The following RAP1GAP2 variants were observed in gnomAD, a reference collection of about 807,000 sequenced individuals.
RAP1GAP2 encodes the protein rap1 GTPase-activating protein 2.
RAP1GAP2 carries 27 observed loss-of-function variants against 95.0 expected under a neutral mutation model. The observed-to-expected ratio is 0.28, with a 90% CI of 0.21 to 0.39. The LOEUF (loss-of-function observed/expected upper bound fraction) is 0.39, where lower values mean the gene tolerates loss of function less well. RAP1GAP2 is among the 10% of genes least tolerant of loss of function. The pLI is 1.00. For missense variants in RAP1GAP2, 771 were observed against 970.0 expected (o/e 0.79, Z 2.72); for synonymous variants, 373 against 380.9 (o/e 0.98, Z 0.24).
chr17:2,996,652 C>A (rs34348609), intron 13 of RAP1GAP2, among the ~76,000 whole-genome samples: 4 of 152,224 alleles, frequency 2.6e-5, no homozygotes, highest in African/African-American at 4.8e-5. Context: ...CCTGCTGCCC[C>A]GGCCTGGGCC....
At position 2,854,518 on chromosome 17, in the gene RAP1GAP2, G is replaced by A. The variant is rs186692872; in HGVS notation, c.81-50766G>A. 3.9e-5 allele frequency among the ~76,000 whole-genome samples: 6 copies of A among 152,246 alleles called. No individual in the cohort carries two copies. The South Asian group carries it at 8.3e-4, about 21-fold the overall frequency. The stretch of plus-strand genomic sequence containing the variant: ...CGAGGTGCCTGCCTGGCCGAGATCC[G>A]CTTGCTCTGCGCTCGGTGCCGGCAG... On this transcript the variant is annotated intron_variant, in intron 2 of 24. Coordinates refer to ENST00000254695, the MANE Select transcript of RAP1GAP2 (RefSeq NM_015085.5).
At chr17:2,908,426 C>A (rs1481764362) in intron 3 of RAP1GAP2, among the ~76,000 whole-genome samples, 4 of 152,252 alleles carry the variant, frequency 2.6e-5, no homozygotes, top group African/African-American at 9.6e-5. Flanking sequence ...CACCTGGCGT[C>A]ATATGGCGAA....
At chr17:2,780,713 G>A (rs953187511) in intron 1 of RAP1GAP2, among the ~76,000 whole-genome samples, 11 of 152,178 alleles carry the variant, frequency 7.2e-5, no homozygotes, top group South Asian at 2.1e-4. Context: ...AGCAGCCGCC[G>A]TCTTCATTAC....
intron 2 of RAP1GAP2, among the ~76,000 whole-genome samples, chr17:2,885,026 T>C (rs925532246): frequency 3.4e-5 from 5 of 149,132 alleles, no homozygotes; most frequent in Non-Finnish European, 1.5e-5. Context: ...TTTTATTTCT[T>C]TCTTTTTTTT....
At chr17:2,932,502 G>T (rs534475599) in intron 3 of RAP1GAP2, among the ~76,000 whole-genome samples, 1 of 149,932 alleles carries the variant, frequency 6.7e-6, no homozygotes, top group Admixed American at 6.7e-5. Flanking sequence ...TGGAAATTCT[G>T]TGAGGTTCCA....
At chr17:2,794,475 G>T (rs73308019), upstream of RAP1GAP2, among the ~76,000 whole-genome samples, 65,826 of 152,020 alleles carry the variant, frequency 0.43, 14,626 homozygotes, top group South Asian at 0.47. Context: ...TGGCCATCCT[G>T]TGGGAAGCCA....
intron 3 of RAP1GAP2, among the ~76,000 whole-genome samples, chr17:2,913,113 G>A (rs1054237072): frequency 6.6e-6 from 1 of 152,130 alleles, no homozygotes; most frequent in African/African-American, 2.4e-5. Context: ...AGGAGATTGA[G>A]CTTGCAGTGA....
intron 2 of RAP1GAP2, among the ~76,000 whole-genome samples, chr17:2,830,543 G>A (rs573905151): frequency 3.9e-5 from 6 of 152,006 alleles, no homozygotes; most frequent in African/African-American, 7.2e-5. Context: ...GTGAAACCCC[G>A]TCTCTACTAA....
At chr17:2,923,041 A>G (rs1401669658) in intron 3 of RAP1GAP2, among the ~76,000 whole-genome samples, 2 of 124,780 alleles carry the variant, frequency 1.6e-5, no homozygotes, top group African/African-American at 6.0e-5. Context: ...ACACCTGGCT[A>G]TTTTTTTTTT....
At chr17:2,776,823 C>CGGAGGAGGAGGA (rs372983882), upstream of RAP1GAP2, among the ~76,000 whole-genome samples, 638 of 144,064 alleles carry the variant, frequency 4.4e-3, 2 homozygotes, top group Middle Eastern at 7.0e-3. Context: ...CCCGCCGCCC[C>CGGAGGAGGAGGA]GGAGGAGGAG....
chr17:2,900,967 G>C (rs58057976), intron 2 of RAP1GAP2, among the ~76,000 whole-genome samples: 2 of 152,174 alleles, frequency 1.3e-5, no homozygotes, highest in Non-Finnish European at 2.9e-5. Context: ...AGAGCCCTCC[G>C]AGGGTGGGGA....
chr17:2,802,733 A>G lies in RAP1GAP2; in HGVS notation c.80+2183A>G, dbSNP rs57878874. 6.0e-3 allele frequency among the ~76,000 whole-genome samples: 907 copies of G among 152,036 alleles called. 7 individuals are homozygous for G. The highest frequency in any genetic ancestry group is 0.021 in the African/African-American group (852 of 41,470). On this transcript the variant is annotated intron_variant, in intron 2 of 24. Transcript: ENST00000254695. Reference sequence around the variant, plus strand: ...AAAAAAGTCTAGAGCTGATGCCAGGAGTGCCATGGAGTAGTCCCGAAAGGC... The same window carrying G: ...AAAAAAGTCTAGAGCTGATGCCAGGGGTGCCATGGAGTAGTCCCGAAAGGC...
chr17:2,804,416 C>T (rs181762564), intron 2 of RAP1GAP2, among the ~76,000 whole-genome samples: 64 of 152,332 alleles, frequency 4.2e-4, no homozygotes, highest in African/African-American at 1.4e-3. Flanking sequence ...TTAGGAAACC[C>T]GTTCAAGGTC....
At chr17:2,791,708 C>T (rs545849144), upstream of RAP1GAP2, among the ~76,000 whole-genome samples, 17 of 152,248 alleles carry the variant, frequency 1.1e-4, no homozygotes, top group East Asian at 2.7e-3. Context: ...TCACAGATGC[C>T]GGTGCTGCCC....
chr17:2,833,181 C>T (rs1436557834), intron 2 of RAP1GAP2, among the ~76,000 whole-genome samples: 6 of 147,614 alleles, frequency 4.1e-5, no homozygotes, highest in Non-Finnish European at 6.0e-5. Context: ...CTTGCTCTGT[C>T]TCCCAGGCTG....
rs1303923423 is a variant in RAP1GAP2, at chr17:3,008,139, T to C, written c.1488T>C (p.Ser496=). The change falls in exon 17 of 25, where the codon TCT becomes TCC. Residue 496 remains serine (S), a synonymous_variant. Transcript: ENST00000254695. This position sits in a 1 kb window ranked among gnomAD's most constrained non-coding sequence, Gnocchi z 4.2. ...ENGGHGGFLE[S]FKRAIRVRSH... ...GAGGCCACGGGGGGTTCCTGGAGTCTTTTAAGGTATGAGCGTCAGAGTGAC... is the reference window on the plus strand; with the variant it reads ...GAGGCCACGGGGGGTTCCTGGAGTCCTTTAAGGTATGAGCGTCAGAGTGAC... 1 of 1,613,808 alleles carries C rather than the reference T, an allele frequency of 6.2e-7. No homozygotes were observed. Among genetic ancestry groups the C allele is most frequent in the Non-Finnish European group, 8.5e-7 (1 of 1,179,848 alleles).
chr17:2,915,666 G>T (rs1237597524), intron 3 of RAP1GAP2, among the ~76,000 whole-genome samples: 2 of 152,160 alleles, frequency 1.3e-5, no homozygotes, highest in Admixed American at 6.5e-5. Flanking sequence ...AGCTCACAAA[G>T]ATTTCCTTCC....
chr17:2,895,933 G>C (rs1196040872), intron 2 of RAP1GAP2, among the ~76,000 whole-genome samples: 1 of 151,922 alleles, frequency 6.6e-6, no homozygotes, highest in Non-Finnish European at 1.5e-5. Flanking sequence ...GTGTCTCCTG[G>C]GCATTGCGAC....
chr17:2,987,121 T>C (rs893772593), intron 11 of RAP1GAP2, among the ~76,000 whole-genome samples: 2 of 152,172 alleles, frequency 1.3e-5, no homozygotes, highest in African/African-American at 4.8e-5. Flanking sequence ...CTGTCTGCGT[T>C]CCAATAAAAC....
Sources: gnomAD v4.1 joint callset for allele counts (sites outside exome capture counted in the v4.1 genomes callset) on GRCh38, gnomAD v4.1.1 for gene constraint, Gnocchi (gnomAD v3.1) non-coding constraint, MANE v1.5 for transcripts, NCBI Gene and HGNC (gene_info 2026-07-23, HGNC 2026-07-21) for gene names.